PAFAH1B1: variants seen among roughly 807,000 people sequenced by gnomAD.
PAFAH1B1 encodes platelet-activating factor acetylhydrolase IB subunit beta.
In PAFAH1B1, 2 loss-of-function variants were observed where a neutral mutation model predicts 57.5. The observed-to-expected ratio is 0.03, with a 90% CI of 0.01 to 0.11. The LOEUF (loss-of-function observed/expected upper bound fraction) is 0.11. Among genes scored for constraint, PAFAH1B1 ranks in the 10% least tolerant of loss-of-function variants. PAFAH1B1 has a pLI of 1.00. For synonymous variants in PAFAH1B1, 152 were observed against 169.6 expected (o/e 0.90, Z 0.81); for missense variants, 257 against 512.0 (o/e 0.50, Z 4.81).
chr17:2,667,054 T>G lies in PAFAH1B1; in HGVS notation c.255T>G (p.Leu85=), dbSNP rs1444617164. 2 of 1,614,002 alleles carry G rather than the reference T, an allele frequency of 1.2e-6. No individual in the cohort carries two copies. Among genetic ancestry groups the G allele is most frequent in the East Asian group, 4.5e-5 (2 of 44,888 alleles). ...AKEEFTSGGP[L]GQKRDPKEWI... ...AAGAATTTACGTCAGGTGGACCTCTTGGTCAGAAACGAGACCCAAAAGAAT... is the reference window on the plus strand; with the variant it reads ...AAGAATTTACGTCAGGTGGACCTCTGGGTCAGAAACGAGACCCAAAAGAAT... Residue 85 remains leucine, a synonymous_variant, in exon 5 of 11, where the codon CTT becomes CTG. Transcript: ENST00000397195.
chr17:2,679,199 T>C (rs183797320), intron 9 of PAFAH1B1, among the ~76,000 whole-genome samples: 68 of 152,350 alleles, frequency 4.5e-4, no homozygotes, highest in Middle Eastern at 3.4e-3. Flanking sequence ...TGATCCTTGC[T>C]TATGTTGTTA....
chr17:2,652,223 A>C (rs2068864046), intron 2 of PAFAH1B1, among the ~76,000 whole-genome samples: 1 of 152,044 alleles, frequency 6.6e-6, no homozygotes, highest in South Asian at 2.1e-4. Context: ...ATCCTGGCTA[A>C]CACGGTGAAA....
rs773237227 is a variant in PAFAH1B1, at chr17:2,674,327, A to G, written c.900+39A>G. 7 of 1,446,144 alleles carry G rather than the reference A, an allele frequency of 4.8e-6. No homozygotes were observed. The Admixed American group carries it at 1.0e-4, about 21-fold the overall frequency. 89.6% of individuals were successfully genotyped at this position (1,446,144 alleles called of 1,614,324 possible). The stretch of plus-strand genomic sequence containing the variant: ...AAATGTCTTCATGGTTTTATTGCTG[A>G]TATCTGAAGTCCTTAGATAACTTTG... On this transcript the variant is annotated intron_variant, in intron 8 of 10. Coordinates refer to ENST00000397195, the MANE Select transcript of PAFAH1B1 (RefSeq NM_000430.4).
chr17:2,652,649 C>G (rs1359659453), intron 2 of PAFAH1B1, among the ~76,000 whole-genome samples: 1 of 152,152 alleles, frequency 6.6e-6, no homozygotes, highest in African/African-American at 2.4e-5. Context: ...CTGCACCTGC[C>G]CGCGCACTTC....
chr17:2,659,795 A>G (rs1473824628), intron 2 of PAFAH1B1, among the ~76,000 whole-genome samples: 1 of 152,090 alleles, frequency 6.6e-6, no homozygotes. Flanking sequence ...AGATCATGCC[A>G]CTGCACTCCA....
chr17:2,674,157 A>C lies in PAFAH1B1; in HGVS notation c.769A>C (p.Thr257Pro). ...GATAGCCAGCTGTTCCAATGACCAG[A>C]CTGTGCGTGTATGGGTCGTAGCAAC... ...TLIASCSNDQ[T>P]VRVWVVATKE... The change falls in exon 8 of 11, where the codon ACT (threonine) becomes CCT (proline). Residue 257 changes from threonine (T) to proline (P), a missense_variant. Thr to Pro is a conservative substitution (Grantham distance 38). Transcript: ENST00000397195. The C allele has an allele frequency of 6.2e-7, 1 of 1,614,122 alleles. No individual in the cohort carries two copies. Among genetic ancestry groups the C allele is most frequent in the Non-Finnish European group, 8.5e-7 (1 of 1,179,988 alleles).
intron 2 of PAFAH1B1, among the ~76,000 whole-genome samples, chr17:2,647,014 T>C (rs2068777958): frequency 6.6e-6 from 1 of 151,902 alleles, no homozygotes; most frequent in Admixed American, 6.6e-5. Flanking sequence ...GGTGGATCTC[T>C]TGAGTCCAGC....
intron 2 of PAFAH1B1, among the ~76,000 whole-genome samples, chr17:2,650,271 GGAGGCCGAGGCGGGTGGATCACTT>G (rs374006635): frequency 0.011 from 1,657 of 152,238 alleles, 29 homozygotes; most frequent in African/African-American, 0.038. Flanking sequence ...CAACACTTTG[GGAGGCCGAGGCGGGTGGATCACTT>G]GAGGTCAGGA....
intron 2 of PAFAH1B1, among the ~76,000 whole-genome samples, chr17:2,655,267 G>C (rs968253393): frequency 6.6e-6 from 1 of 151,270 alleles, no homozygotes; most frequent in Non-Finnish European, 1.5e-5. Flanking sequence ...ATATGATCAA[G>C]GTCAAAATTG....
Position 2,655,569 on chromosome 17 carries a change from G to A in PAFAH1B1, c.33-9803G>A, listed in dbSNP as rs557171347. On this transcript the variant is annotated intron_variant, in intron 2 of 10. Coordinates refer to ENST00000397195, the MANE Select transcript of PAFAH1B1 (RefSeq NM_000430.4). ...CATGCCTGGTAATCCCAGCTACTCC[G>A]GAGGCAGAGGTTGCAATAAGCTGAG... is the stretch of plus-strand genomic sequence containing the variant. Among the ~76,000 whole-genome samples the A allele has an allele frequency of 3.4e-3, 520 of 152,254 alleles. 2 individuals carry two copies. Among genetic ancestry groups the A allele is most frequent in the African/African-American group, 0.012 (488 of 41,546 alleles).
chr17:2,627,829 T>C (rs2068511277), intron 1 of PAFAH1B1, among the ~76,000 whole-genome samples: 1 of 152,186 alleles, frequency 6.6e-6, no homozygotes, highest in Non-Finnish European at 1.5e-5. Flanking sequence ...CTAAGTATTT[T>C]ATTTGTGGCT....
intron 6 of PAFAH1B1, 141 bp from the exon 7 acceptor site, chr17:2,672,514 T>C (rs2069198485): frequency 1.5e-6 from 1 of 661,316 alleles, no homozygotes; most frequent in African/African-American, 1.8e-5. Context: ...CCAGGTTTCT[T>C]ATCCAATTTG....
At chr17:2,618,231 A>C (rs938207655) in intron 1 of PAFAH1B1, among the ~76,000 whole-genome samples, 3 of 152,194 alleles carry the variant, frequency 2.0e-5, no homozygotes, top group Non-Finnish European at 4.4e-5. Context: ...CCTGAGCGAC[A>C]GAGCAAGACT....
chr17:2,667,203 T>C lies in PAFAH1B1; in HGVS notation c.399+5T>C, dbSNP rs749488964. The C allele has an allele frequency of 3.7e-6, 6 of 1,610,090 alleles. No homozygotes were observed. The highest frequency in any genetic ancestry group is 4.2e-6 in the Non-Finnish European group (5 of 1,176,484). ...TCAGAGGATGCTACAATTAAGGTAA[T>C]TTTTTGTTAAAAGCAGACTTAACGG... On this transcript the variant is annotated splice_donor_5th_base_variant and intron_variant, in intron 5 of 10. Transcript: ENST00000397195.
At chr17:2,652,048 TTTCCA>T (rs2068857769) in intron 2 of PAFAH1B1, among the ~76,000 whole-genome samples, 1 of 152,206 alleles carries the variant, frequency 6.6e-6, no homozygotes, top group Non-Finnish European at 1.5e-5. Context: ...AGTTTTGTCT[TTTCCA>T]GAAAATTACA....
chr17:2,667,753 G>A (rs546815300), intron 5 of PAFAH1B1, among the ~76,000 whole-genome samples: 1 of 151,870 alleles, frequency 6.6e-6, no homozygotes, highest in South Asian at 2.1e-4. Context: ...GGCTTTCCAG[G>A]AGTGTGGGAA....
intron 2 of PAFAH1B1, among the ~76,000 whole-genome samples, chr17:2,645,391 G>T (rs1370583386): frequency 6.6e-6 from 1 of 151,652 alleles, no homozygotes; most frequent in Non-Finnish European, 1.5e-5. Flanking sequence ...GTCAGGAGTT[G>T]GAGACCAACC....
intron 1 of PAFAH1B1, chr17:2,635,245 C>T (rs891777271): frequency 8.6e-5 from 13 of 151,444 alleles, no homozygotes; most frequent in Non-Finnish European, 1.5e-5. Flanking sequence ...ATTAAGTGTT[C>T]TTTATATGTT....
chr17:2,633,809 T>C (rs1454474359), intron 1 of PAFAH1B1, among the ~76,000 whole-genome samples: 2 of 152,102 alleles, frequency 1.3e-5, no homozygotes, highest in Non-Finnish European at 2.9e-5. Context: ...TGAGACATAC[T>C]CTCTCCTCTT....
Sources: allele counts gnomAD v4.1 joint callset (sites outside exome capture counted in the v4.1 genomes callset), GRCh38; gene constraint gnomAD v4.1.1; transcripts MANE v1.5; gene names NCBI Gene and HGNC (gene_info 2026-07-23, HGNC 2026-07-21).